Variants in ECH1 observed in about 807,000 individuals in gnomAD.
ECH1 encodes delta(3,5)-Delta(2,4)-dienoyl-CoA isomerase, mitochondrial.
ECH1 carries 30 observed loss-of-function variants against 37.0 expected under a neutral mutation model. That is an observed-to-expected ratio of 0.81 (90% CI 0.61 to 1.10). The LOEUF (loss-of-function observed/expected upper bound fraction) is 1.10. Ranked by LOEUF, ECH1 falls within the 50% of genes least tolerant of loss-of-function variation. ECH1 has a pLI of 0.00. For synonymous variants in ECH1, 178 were observed against 176.0 expected (o/e 1.01, Z -0.09); for missense variants, 456 against 441.6 (o/e 1.03, Z -0.29).
chr19:38,828,826 T>A (rs1971775068), intron 3 of ECH1, among the ~76,000 whole-genome samples: 1 of 151,066 alleles, frequency 6.6e-6, no homozygotes, highest in Non-Finnish European at 1.5e-5. Context: ...TTTCACCATG[T>A]TAGCCAGGAT....
intron 6 of ECH1, 120 bp downstream of exon 6, chr19:38,816,945 C>T (rs924024728): frequency 8.7e-7 from 1 of 1,151,560 alleles, no homozygotes; most frequent in African/African-American, 1.5e-5. Flanking sequence ...CCTCTATGGG[C>T]AAGTCTTACT....
rs548495306 is a variant in ECH1 at position 38,830,977 on chromosome 19, T to G, written c.349+101A>C. The G allele has an allele frequency of 8.5e-4, 905 of 1,060,742 alleles. 2 individuals are homozygous for G. Among genetic ancestry groups the G allele is most frequent in the Non-Finnish European group, 7.8e-4 (575 of 734,668 alleles). The allele number at this position is 1,060,742 out of a possible 1,614,324, so 65.7% of individuals were successfully genotyped here. Reference sequence around the variant, plus strand: ...CTCAAAAAAAAAAAAAAAAAGTGTGTAAGTCAGAAGCTGCTTAAAACCCTA... The same window carrying G: ...CTCAAAAAAAAAAAAAAAAAGTGTGGAAGTCAGAAGCTGCTTAAAACCCTA... On this transcript the variant is annotated intron_variant, in intron 3 of 9. Transcript: ENST00000221418.
rs147683521 is a variant in ECH1 at position 38,822,172 on chromosome 19, A to G, written c.350-4597T>C. ...CCAATCAATGCTCTGTGTCTAGCTC[A>G]TCTGGTGGGGACTTGGAGAAACTTT... On this transcript the variant is annotated intron_variant, in intron 3 of 9. Transcript: ENST00000221418. 5.3e-3 allele frequency among the ~76,000 whole-genome samples: 807 copies of G among 151,590 alleles called. 7 individuals carry two copies. The highest frequency in any genetic ancestry group is 0.024 in the Middle Eastern group (7 of 292).
chr19:38,831,097 T>C lies in ECH1; in HGVS notation c.330A>G (p.Ala110=), dbSNP rs1971813255. 5.0e-6 allele frequency: 8 copies of C among 1,614,002 alleles called. No homozygotes were observed. The East Asian group carries it at 1.1e-4, about 22-fold the overall frequency. Residue 110 remains alanine (A), a synonymous_variant, in exon 3 of 10, where the codon GCA becomes GCG. Transcript: ENST00000221418. The stretch of plus-strand genomic sequence containing the variant: ...TGGTACCTGCAGTGAACATTTTTCC[T>C]GCACCAGAGATCACCACCGCCCGAC... The part of the protein sequence containing the change: ...ADCRAVVISG[A]GKMFTAGIDL...
At chr19:38,828,480 C>T (rs528193879) in intron 3 of ECH1, among the ~76,000 whole-genome samples, 10 of 152,278 alleles carry the variant, frequency 6.6e-5, no homozygotes, top group African/African-American at 2.4e-4. Flanking sequence ...GATCCACCCA[C>T]CTCAGCTTCC....
intron 3 of ECH1, among the ~76,000 whole-genome samples, chr19:38,827,168 T>A (rs1003451312): frequency 6.6e-6 from 1 of 151,602 alleles, no homozygotes; most frequent in Non-Finnish European, 1.5e-5. Context: ...CCTGGGAATA[T>A]GTTAATGGAC....
chr19:38,830,767 G>C (rs1407240001), intron 3 of ECH1: 1 of 342,384 alleles, frequency 2.9e-6, no homozygotes, highest in Non-Finnish European at 5.4e-6. Context: ...AACGTCAGGA[G>C]ATGGAGACCA....
At chr19:38,818,700 C>A (rs1017940962) in intron 3 of ECH1, among the ~76,000 whole-genome samples, 1 of 152,126 alleles carries the variant, frequency 6.6e-6, no homozygotes, top group African/African-American at 2.4e-5. Context: ...GTTGGCCAGG[C>A]TAGTCTCAAA....
intron 3 of ECH1, among the ~76,000 whole-genome samples, chr19:38,826,613 C>G (rs1568360771): frequency 6.6e-6 from 1 of 152,216 alleles, no homozygotes; most frequent in African/African-American, 2.4e-5. Flanking sequence ...ACAGAGGCAG[C>G]AGAATGGTTC....
At chr19:38,822,596 C>G (rs1198931669) in intron 3 of ECH1, among the ~76,000 whole-genome samples, 1 of 152,098 alleles carries the variant, frequency 6.6e-6, no homozygotes, top group East Asian at 1.9e-4. Flanking sequence ...AATCAGCACC[C>G]TGTGTCTAGC....
At chr19:38,822,229 C>G (rs1036640396) in intron 3 of ECH1, among the ~76,000 whole-genome samples, 3 of 151,348 alleles carry the variant, frequency 2.0e-5, no homozygotes, top group Non-Finnish European at 2.9e-5. Flanking sequence ...AACAACCAAT[C>G]AGCACTCTGT....
intron 3 of ECH1, among the ~76,000 whole-genome samples, chr19:38,829,835 A>G (rs377718674): frequency 6.6e-6 from 1 of 151,656 alleles, no homozygotes; most frequent in African/African-American, 2.4e-5. Context: ...AAAAAGAAAG[A>G]AAACTACAAT....
At chr19:38,829,109 A>AC (rs1235842273) in intron 3 of ECH1, among the ~76,000 whole-genome samples, 5 of 150,818 alleles carry the variant, frequency 3.3e-5, no homozygotes, top group Non-Finnish European at 7.4e-5. Context: ...AAATGGTGAG[A>AC]CCCCGTCTCT....
At chr19:38,821,902 G>T (rs1176662801) in intron 3 of ECH1, among the ~76,000 whole-genome samples, 1 of 152,274 alleles carries the variant, frequency 6.6e-6, no homozygotes, top group Non-Finnish European at 1.5e-5. Context: ...CCTGGTGCAG[G>T]ATCCACTGGG....
rs753960187 is a variant in ECH1 at position 38,831,472 on chromosome 19, G to C, written c.97C>G (p.Leu33Val). ...TCCTCTTGTGCAGAGGAGCCAGTGA[G>C]GCGAAGGCTAATACTGAGTCCCGGG... ...NYPGLSISLR[L>V]TGSSAQEEAS... Residue 33 changes from leucine to valine, a missense_variant, in exon 2 of 10, where the codon CTC becomes GTC. Coordinates refer to ENST00000221418, the MANE Select transcript of ECH1 (RefSeq NM_001398.3). The C allele has an allele frequency of 1.9e-6, 3 of 1,614,160 alleles. No individual in the cohort carries two copies. Among genetic ancestry groups the C allele is most frequent in the East Asian group, 2.2e-5 (1 of 44,888 alleles).
intron 3 of ECH1, among the ~76,000 whole-genome samples, chr19:38,822,080 T>C (rs944445159): frequency 5.9e-5 from 9 of 152,010 alleles, no homozygotes; most frequent in African/African-American, 2.2e-4. Context: ...CAGCACTCTG[T>C]TTCTAGCTCA....
At chr19:38,825,087 A>G (rs955410011) in intron 3 of ECH1, among the ~76,000 whole-genome samples, 1 of 152,232 alleles carries the variant, frequency 6.6e-6, no homozygotes, top group Non-Finnish European at 1.5e-5. Context: ...CTACTGTTAG[A>G]TCAAACCCTG....
intron 3 of ECH1, among the ~76,000 whole-genome samples, chr19:38,823,934 C>A (rs555296315): frequency 6.6e-6 from 1 of 152,268 alleles, no homozygotes; most frequent in South Asian, 2.1e-4. Context: ...CACCCAGGCT[C>A]ACCAATCAGA....
At position 38,817,323 on chromosome 19, in the gene ECH1, A is replaced by T; in HGVS notation, c.516T>A (p.Ile172=). Residue 172 remains isoleucine (I), a synonymous_variant, in exon 5 of 10, where the codon ATT becomes ATA. Coordinates refer to ENST00000221418, the MANE Select transcript of ECH1 (RefSeq NM_001398.3). ...PVIAAVHGGC[I]GGGVDLVTAC... is the part of the protein sequence containing the mutation. ...GGATAGCCGCAGACTCACCTCCGCCAATGCAGCCCCCATGGACGGCAGCAA... is the reference window on the plus strand; with the variant it reads ...GGATAGCCGCAGACTCACCTCCGCCTATGCAGCCCCCATGGACGGCAGCAA... The T allele has an allele frequency of 3.2e-6, 5 of 1,563,796 alleles. No homozygotes were observed. Among genetic ancestry groups the T allele is most frequent in the Non-Finnish European group, 4.3e-6 (5 of 1,151,470 alleles).
Sources: gnomAD v4.1 joint callset for allele counts (sites outside exome capture counted in the v4.1 genomes callset) on GRCh38, gnomAD v4.1.1 for gene constraint, MANE v1.5 for transcripts, NCBI Gene and HGNC (gene_info 2026-07-23, HGNC 2026-07-21) for gene names.